TBCK: variants seen among roughly 807,000 people sequenced by gnomAD.
The protein encoded by TBCK is TBC1 domain containing kinase.
In TBCK, 99 loss-of-function variants were observed where a neutral mutation model predicts 113.4. The ratio of observed to expected loss-of-function variants is 0.87; its 90% CI spans 0.74 to 1.03. The LOEUF is 1.03. Among genes scored for constraint, TBCK ranks in the 50% least tolerant of loss-of-function variants. The pLI is 0.00. For synonymous variants in TBCK, 369 were observed against 370.8 expected, an observed-to-expected ratio of 1.00 and a Z score of 0.05; for missense variants, 1,045 against 1,061.3, an observed-to-expected ratio of 0.98 and a Z score of 0.21.
intron 24 of TBCK, among the ~76,000 whole-genome samples, chr4:106,104,695 G>C (rs542770967): frequency 6.6e-6 from 1 of 152,360 alleles, no homozygotes; most frequent in African/African-American, 2.4e-5. Flanking sequence ...TCCTCACTGG[G>C]CAGGACCTCC....
At chr4:106,212,972 G>C in intron 19 of TBCK, 137 bp from the exon 20 acceptor site, 1 of 601,458 alleles carries the variant, frequency 1.7e-6, no homozygotes, top group Admixed American at 3.3e-5. Context: ...ATTTTGTTTT[G>C]TTACTATTTT....
intron 24 of TBCK, among the ~76,000 whole-genome samples, chr4:106,114,765 A>C (rs1209601610): frequency 2.0e-5 from 3 of 152,224 alleles, no homozygotes; most frequent in African/African-American, 4.8e-5. Context: ...GCTATGAATA[A>C]AGACTCAAGC....
At chr4:106,066,430 C>T (rs1489136147) in intron 25 of TBCK, among the ~76,000 whole-genome samples, 2 of 152,014 alleles carry the variant, frequency 1.3e-5, no homozygotes, top group African/African-American at 2.4e-5. Flanking sequence ...TTCACTACTA[C>T]TGATCAGAAA....
chr4:106,294,202 T>C (rs1208494728), intron 3 of TBCK, among the ~76,000 whole-genome samples: 2 of 152,118 alleles, frequency 1.3e-5, no homozygotes, highest in Non-Finnish European at 2.9e-5. Context: ...TAATCTTTTT[T>C]TTTTTTGAGA....
intron 5 of TBCK, among the ~76,000 whole-genome samples, chr4:106,256,359 T>C (rs1432719767): frequency 6.6e-6 from 1 of 152,140 alleles, no homozygotes; most frequent in Non-Finnish European, 1.5e-5. Context: ...TCAGCCCCCC[T>C]TCAGACTCCC....
In TBCK at chr4:106,042,207, T is replaced by G. The variant is rs1307247611; in HGVS notation, c.*4363A>C. The G allele has an allele frequency of 6.6e-6, 1 of 152,216 alleles. No individual in the cohort carries two copies. Among genetic ancestry groups the G allele is most frequent in the Non-Finnish European group, 1.5e-5 (1 of 68,030 alleles). The allele number at this position is 152,216 out of a possible 1,614,324, so 9.4% of individuals were successfully genotyped here. A position where few individuals can be genotyped will look rare whatever the true frequency, so the allele number is the denominator to read the frequency against. On this transcript the variant is annotated 3_prime_UTR_variant, in exon 26 of 26. Transcript: ENST00000394708. ...TATCAAGAAAAATGCATTATTTGGT[T>G]AATAACAGCTATATTTTGGGTCAGC...
intron 23 of TBCK, among the ~76,000 whole-genome samples, chr4:106,162,680 T>G (rs1039160054): frequency 6.6e-6 from 1 of 152,156 alleles, no homozygotes; most frequent in African/African-American, 2.4e-5. Flanking sequence ...GGCTTAGGGT[T>G]TACACCCTTA....
intron 23 of TBCK, among the ~76,000 whole-genome samples, chr4:106,132,813 A>C (rs1447223298): frequency 2.0e-5 from 3 of 152,212 alleles, no homozygotes; most frequent in Non-Finnish European, 4.4e-5. Context: ...TATGGAACTT[A>C]AAGTTTAATG....
In TBCK at chr4:106,068,610, C is replaced by T. The variant is rs190010273; in HGVS notation, c.2572-21930G>A. Among the ~76,000 whole-genome samples, 326 of 152,224 alleles carry T rather than the reference C, an allele frequency of 2.1e-3. 1 individual carries two copies. Among genetic ancestry groups the T allele is most frequent in the Non-Finnish European group, 3.2e-3 (221 of 68,020 alleles). On this transcript the variant is annotated intron_variant, in intron 25 of 25. Transcript: ENST00000394708. ...TGTGAATAGTGCCACAATAAACATA[C>T]GTGTGCATGCATCTTTATAGTAGCA... is the stretch of plus-strand genomic sequence containing the variant.
At chr4:106,081,377 G>T (rs1738856463) in intron 25 of TBCK, among the ~76,000 whole-genome samples, 1 of 152,176 alleles carries the variant, frequency 6.6e-6, no homozygotes, top group South Asian at 2.1e-4. Flanking sequence ...CAGGGACATG[G>T]AAGGAGTTGG....
intron 3 of TBCK, among the ~76,000 whole-genome samples, chr4:106,270,420 G>A (rs953079391): frequency 3.4e-4 from 51 of 152,140 alleles, no homozygotes; most frequent in Admixed American, 3.3e-3. Context: ...AATTCTGGCT[G>A]TGCAAACACA....
chr4:106,043,103 C>T lies in TBCK; in HGVS notation c.*3467G>A, dbSNP rs923482680. 1.5e-4 allele frequency: 23 copies of T among 152,212 alleles called. No homozygotes were observed. The highest frequency in any genetic ancestry group is 5.1e-4 in the African/African-American group (21 of 41,446). 9.4% of individuals were successfully genotyped at this position (152,212 alleles called of 1,614,324 possible). ...ACTGGGTATCCCACGGGCCTAAAAG[C>T]TGTGCCTTTCAGGTCCTTTTCATTT... is the stretch of plus-strand genomic sequence containing the variant. On this transcript the variant is annotated 3_prime_UTR_variant, in exon 26 of 26. Coordinates refer to ENST00000394708, the MANE Select transcript of TBCK (RefSeq NM_001163435.3).
intron 23 of TBCK, among the ~76,000 whole-genome samples, chr4:106,147,561 C>G (rs1416961816): frequency 6.6e-6 from 1 of 152,138 alleles, no homozygotes; most frequent in African/African-American, 2.4e-5. Flanking sequence ...TTACTGCAAT[C>G]TCTAAACATA....
chr4:106,272,702 A>C (rs1357251069), intron 3 of TBCK, among the ~76,000 whole-genome samples: 1 of 151,440 alleles, frequency 6.6e-6, no homozygotes, highest in African/African-American at 2.4e-5. Context: ...TCACCGTGTT[A>C]GCCAGGATGG....
chr4:106,211,824 A>G (rs1341169101), intron 20 of TBCK, among the ~76,000 whole-genome samples: 1 of 152,098 alleles, frequency 6.6e-6, no homozygotes, highest in Non-Finnish European at 1.5e-5. Flanking sequence ...GTATATACAC[A>G]TATACACTAA....
At chr4:106,069,322 T>A (rs561642263) in intron 25 of TBCK, among the ~76,000 whole-genome samples, 17 of 152,340 alleles carry the variant, frequency 1.1e-4, no homozygotes, top group Admixed American at 2.6e-4. Flanking sequence ...AATTTTTGTA[T>A]AAGGTGTAAG....
At chr4:106,280,390 T>G (rs992627234) in intron 3 of TBCK, among the ~76,000 whole-genome samples, 1 of 152,144 alleles carries the variant, frequency 6.6e-6, no homozygotes, top group African/African-American at 2.4e-5. Context: ...CTCTTCACTT[T>G]TTAAATTGTT....
Position 106,250,354 on chromosome 4 carries a change from G to A in TBCK, c.658+64C>T, listed in dbSNP as rs544024868. On this transcript the variant is annotated intron_variant, in intron 7 of 25. Transcript: ENST00000394708. ...TATTTCAAAAGAACACATCCTCAAT[G>A]TGCATGATTACTAATAGTAAGTTAT... The A allele has an allele frequency of 2.7e-6, 3 of 1,096,528 alleles. No individual in the cohort carries two copies. The South Asian group carries it at 4.2e-5, about 16-fold the overall frequency. The allele number at this position is 1,096,528 out of a possible 1,614,324, so 67.9% of individuals were successfully genotyped here.
rs753820424 is a variant in TBCK at position 106,233,605 on chromosome 4, T to A, written c.1495A>T (p.Ile499Phe). ...AATCATACTTGTCTATCTGTAGGAATTGGAGTGTCTTTATCAATTGCATCG... is the reference window on the plus strand; with the variant it reads ...AATCATACTTGTCTATCTGTAGGAAATGGAGTGTCTTTATCAATTGCATCG... ...KYDAIDKDTP[I>F]PTDRQIEVDI... The change falls in exon 16 of 26, where the codon ATT becomes TTT. Residue 499 changes from isoleucine to phenylalanine, a missense_variant. Ile to Phe is a conservative substitution (Grantham distance 21). Transcript: ENST00000394708. The A allele has an allele frequency of 6.2e-6, 10 of 1,611,324 alleles. No homozygotes were observed. Among genetic ancestry groups the A allele is most frequent in the Non-Finnish European group, 8.5e-6 (10 of 1,178,464 alleles).
Sources: allele counts gnomAD v4.1 joint callset (sites outside exome capture counted in the v4.1 genomes callset), GRCh38; gene constraint gnomAD v4.1.1; transcripts MANE v1.5; gene names NCBI Gene and HGNC (gene_info 2026-07-23, HGNC 2026-07-21).